Variants in TTLL5 observed in about 807,000 individuals in gnomAD.
The protein encoded by TTLL5 is tubulin tyrosine ligase like 5, also known as tubulin polyglutamylase TTLL5.
A neutral mutation model predicts 168.4 loss-of-function variants in TTLL5; 132 were observed. That is an observed-to-expected ratio of 0.78 (90% CI 0.68 to 0.91). TTLL5 has a LOEUF of 0.91. Among genes scored for constraint, TTLL5 ranks in the 40% least tolerant of loss-of-function variants. The pLI is 0.00. For missense variants in TTLL5, 1,545 were observed against 1,581.5 expected (o/e 0.98, Z 0.39); for synonymous variants, 546 against 558.6 (o/e 0.98, Z 0.32).
intron 31 of TTLL5, 78 bp from the exon 32 acceptor site, chr14:75,954,345 TA>T: frequency 6.8e-7 from 1 of 1,475,278 alleles, no homozygotes; most frequent in Non-Finnish European, 9.4e-7. Flanking sequence ...TGATGTTAGA[TA>T]AACCAGACAT....
At chr14:75,906,762 A>G (rs549005098) in intron 31 of TTLL5, 2 of 972,628 alleles carry the variant, frequency 2.1e-6, no homozygotes, top group South Asian at 4.8e-5. Flanking sequence ...CTACCAAAAG[A>G]AGTTCTAGCT....
chr14:75,794,206 A>C (rs1322481826), intron 27 of TTLL5, among the ~76,000 whole-genome samples: 1 of 152,206 alleles, frequency 6.6e-6, no homozygotes, highest in Non-Finnish European at 1.5e-5. Flanking sequence ...GAATATTATA[A>C]GAACAATGTT....
At chr14:75,858,178 T>G (rs1185390051) in intron 28 of TTLL5, among the ~76,000 whole-genome samples, 10 of 152,126 alleles carry the variant, frequency 6.6e-5, no homozygotes, top group Non-Finnish European at 1.3e-4. Flanking sequence ...ATTTTCATAG[T>G]GGTACTGAGA....
chr14:75,906,951 T>A (rs2033172080), intron 31 of TTLL5, among the ~76,000 whole-genome samples: 1 of 152,174 alleles, frequency 6.6e-6, no homozygotes, highest in African/African-American at 2.4e-5. Context: ...AATACGAGGA[T>A]TTTAAGACAA....
At chr14:75,770,232 A>G (rs1891218766) in intron 20 of TTLL5, among the ~76,000 whole-genome samples, 1 of 150,744 alleles carries the variant, frequency 6.6e-6, no homozygotes, top group African/African-American at 2.4e-5. Context: ...AAACCATATT[A>G]TGCTCCCATA....
chr14:75,910,379 T>G (rs2140109412), intron 31 of TTLL5, among the ~76,000 whole-genome samples: 1 of 152,300 alleles, frequency 6.6e-6, no homozygotes, highest in East Asian at 1.9e-4. Context: ...TCCATGCACT[T>G]TGGACAGAAG....
intron 29 of TTLL5, among the ~76,000 whole-genome samples, chr14:75,876,562 T>C (rs1402167557): frequency 1.3e-5 from 2 of 152,236 alleles, no homozygotes; most frequent in Non-Finnish European, 2.9e-5. Context: ...CTCCATATCC[T>C]GTCTCAGGTA....
intron 26 of TTLL5, among the ~76,000 whole-genome samples, chr14:75,786,599 T>C (rs983731630): frequency 6.6e-6 from 1 of 152,162 alleles, no homozygotes; most frequent in African/African-American, 2.4e-5. Flanking sequence ...CTGTAATTGA[T>C]TGGAGTTAAA....
chr14:75,764,703 C>T lies in TTLL5; in HGVS notation c.1639C>T (p.Leu547=), dbSNP rs1890855849. Residue 547 remains leucine, a synonymous_variant, in exon 19 of 32, where the codon CTG becomes TTG. Transcript: ENST00000298832. ...TGCTGCACTTTACGAGAGGAAGCTC[C>T]TGTCTCTGGAGGTGCGAAAACGTAG... ...LHAALYERKL[L]SLEVRKRRRR... The T allele has an allele frequency of 6.2e-7, 1 of 1,614,170 alleles. No individual in the cohort carries two copies. Among genetic ancestry groups the T allele is most frequent in the Non-Finnish European group, 8.5e-7 (1 of 1,180,002 alleles).
chr14:75,782,338 C>G, intron 24 of TTLL5, 149 bp from the exon 25 acceptor site: 1 of 582,340 alleles, frequency 1.7e-6, no homozygotes, highest in Non-Finnish European at 2.9e-6. Flanking sequence ...CTGTGGGTGT[C>G]TTCATCTTTG....
chr14:75,878,698 C>G (rs1325435485), intron 29 of TTLL5, among the ~76,000 whole-genome samples: 1 of 152,200 alleles, frequency 6.6e-6, no homozygotes, highest in Non-Finnish European at 1.5e-5. Context: ...TGGCAGTCTC[C>G]TAGGCAGTAA....
chr14:75,733,398 T>C (rs1888668357), intron 13 of TTLL5, among the ~76,000 whole-genome samples: 1 of 152,060 alleles, frequency 6.6e-6, no homozygotes, highest in South Asian at 2.1e-4. Context: ...TGGTCGATGT[T>C]GTTTTTGTTT....
intron 3 of TTLL5, among the ~76,000 whole-genome samples, chr14:75,675,965 C>T (rs1346096373): frequency 6.6e-6 from 1 of 152,144 alleles, no homozygotes; most frequent in East Asian, 1.9e-4. Flanking sequence ...AGTTTGAAAG[C>T]CTGTGAGCCA....
intron 27 of TTLL5, among the ~76,000 whole-genome samples, chr14:75,803,970 C>T (rs1241281272): frequency 6.6e-6 from 1 of 152,174 alleles, no homozygotes; most frequent in Non-Finnish European, 1.5e-5. Context: ...AGGAGCAACT[C>T]CAGCTCTTCC....
intron 29 of TTLL5, among the ~76,000 whole-genome samples, chr14:75,865,741 T>C (rs1229743711): frequency 2.0e-5 from 3 of 152,242 alleles, no homozygotes; most frequent in Non-Finnish European, 4.4e-5. Context: ...AGTACTGTAC[T>C]ACTATTCTTG....
intron 18 of TTLL5, among the ~76,000 whole-genome samples, chr14:75,754,947 G>C (rs756777932): frequency 1.3e-5 from 2 of 151,846 alleles, no homozygotes; most frequent in Non-Finnish European, 2.9e-5. Flanking sequence ...TGCTTATGAA[G>C]CATTCTAAAA....
chr14:75,940,018 G>A (rs951419962), intron 31 of TTLL5, among the ~76,000 whole-genome samples: 5 of 151,114 alleles, frequency 3.3e-5, no homozygotes, highest in Non-Finnish European at 7.4e-5. Flanking sequence ...TTTATAGCTC[G>A]TAGCATTGTT....
At chr14:75,670,745 A>G (rs141264172) in intron 3 of TTLL5, among the ~76,000 whole-genome samples, 1,695 of 152,310 alleles carry the variant, frequency 0.011, 19 homozygotes, top group Non-Finnish European at 0.017. Context: ...AGTCCTTTGT[A>G]CATTTTAAAA....
At chr14:75,696,475 A>G (rs910384669) in intron 6 of TTLL5, among the ~76,000 whole-genome samples, 6 of 152,218 alleles carry the variant, frequency 3.9e-5, no homozygotes, top group Non-Finnish European at 5.9e-5. Context: ...CAGTCTGCTC[A>G]GTATCTGGGG....
Sources: gnomAD v4.1 joint callset for allele counts (sites outside exome capture counted in the v4.1 genomes callset) on GRCh38, gnomAD v4.1.1 for gene constraint, MANE v1.5 for transcripts, NCBI Gene and HGNC (gene_info 2026-07-23, HGNC 2026-07-21) for gene names.